Variants in IGF2 observed in about 807,000 individuals in gnomAD.
IGF2 encodes the protein insulin like growth factor 2.
In IGF2, 2 loss-of-function variants were observed where a neutral mutation model predicts 12.0. The ratio of observed to expected loss-of-function variants is 0.17; its 90% CI spans 0.07 to 0.52. IGF2 has a LOEUF of 0.52. Ranked by LOEUF, IGF2 falls within the 20% of genes least tolerant of loss-of-function variation. IGF2 has a pLI of 0.95. For synonymous variants in IGF2, 105 were observed against 110.1 expected (o/e 0.95, Z 0.29); for missense variants, 211 against 268.0 (o/e 0.79, Z 1.48).
rs541583744 is a variant in IGF2, at chr11:2,133,722, C to T, written c.158-57G>A. The T allele has an allele frequency of 2.6e-5, 41 of 1,595,386 alleles. No individual in the cohort carries two copies. Among genetic ancestry groups the T allele is most frequent in the South Asian group, 1.0e-4 (9 of 88,728 alleles). The stretch of plus-strand genomic sequence containing the variant: ...TTAGCACCGCACTGACCCCAGCCCC[C>T]GGAGGCTGAAGGGGGAGCAAACCAC... On this transcript the variant is annotated intron_variant, in intron 2 of 3. Coordinates refer to ENST00000416167, the MANE Select transcript of IGF2 (RefSeq NM_000612.6). The surrounding 1 kb of genome is among the most constrained non-coding windows in gnomAD (Gnocchi z 8.9).
chr11:2,131,109 G>A lies in IGF2; in HGVS notation c.*1878C>T, dbSNP rs567696295. The A allele has an allele frequency of 1.2e-4, 27 of 233,156 alleles. 1 individual carries two copies. In the South Asian group the frequency reaches 4.7e-3, roughly 41 times the overall value. 14.4% of individuals were successfully genotyped at this position (233,156 alleles called of 1,614,324 possible). A position where few individuals can be genotyped will look rare whatever the true frequency, so the allele number is the denominator to read the frequency against. On this transcript the variant is annotated 3_prime_UTR_variant, in exon 4 of 4. Coordinates refer to ENST00000416167, the MANE Select transcript of IGF2 (RefSeq NM_000612.6). ...TGGCTCACGCTGCGGGGGCCGTGGG[G>A]ACAGGCGCCAAGGAGGCCAGCCTCA... is the stretch of plus-strand genomic sequence containing the variant.
At position 2,138,279 on chromosome 11, in the gene IGF2, G is replaced by T; in HGVS notation, c.-57C>A. The T allele has an allele frequency of 1.0e-6, 1 of 985,118 alleles. No individual in the cohort carries two copies. Among genetic ancestry groups the T allele is most frequent in the South Asian group, 4.7e-5 (1 of 21,298 alleles). 61.0% of individuals were successfully genotyped at this position (985,118 alleles called of 1,614,324 possible). On this transcript the variant is annotated 5_prime_UTR_variant, in exon 1 of 4. Coordinates refer to ENST00000416167, the MANE Select transcript of IGF2 (RefSeq NM_000612.6). ...ACCTCCCTGCTGCGTGTCGCAAACC[G>T]AACAGCGGGCGTTGGCCCTCCTGCC...
chr11:2,145,294 T>TG (rs1306490204), upstream of IGF2, among the ~76,000 whole-genome samples: 1 of 152,192 alleles, frequency 6.6e-6, no homozygotes, highest in Non-Finnish European at 1.5e-5. Context: ...CTTGTAAATT[T>TG]GGGGGTGAGG....
At position 2,133,157 on chromosome 11, in the gene IGF2, G is replaced by T. The variant is rs781325329; in HGVS notation, c.373C>A (p.Arg125Ser). 3 of 1,598,010 alleles carry T rather than the reference G, an allele frequency of 1.9e-6. No individual in the cohort carries two copies. Among genetic ancestry groups the T allele is most frequent in the Non-Finnish European group, 2.6e-6 (3 of 1,171,548 alleles). ...QYDTWKQSTQ[R>S]LRRGLPALLR... ...AGGGCAGGCAGGCCCCTGCGCAGGC[G>T]CTGGGTGGACTGCTTCCAGGTGTCA... Residue 125 changes from arginine (R) to serine (S), a missense_variant, in exon 4 of 4, where the codon CGC (arginine) becomes AGC (serine). Arg to Ser is a moderately radical substitution (Grantham distance 110, BLOSUM62 -1). Transcript: ENST00000416167. The surrounding 1 kb of genome is among the most constrained non-coding windows in gnomAD (Gnocchi z 8.9).
At position 2,133,505 on chromosome 11, in the gene IGF2, C is replaced by CA. The variant is rs1858768800; in HGVS notation, c.306+11dup. Reference sequence around the variant, plus strand: ...GTCTCTAGAGAGTGGGAAAGGGGCCCAGGACCCTCACCGGAAGCACGGTCG... The same window carrying CA: ...GTCTCTAGAGAGTGGGAAAGGGGCCCAAGGACCCTCACCGGAAGCACGGTCG... On this transcript the variant is annotated intron_variant, in intron 3 of 3. Coordinates refer to ENST00000416167, the MANE Select transcript of IGF2 (RefSeq NM_000612.6). This position sits in a 1 kb window ranked among gnomAD's most constrained non-coding sequence, Gnocchi z 8.9. 6.2e-7 allele frequency: 1 copy of CA among 1,608,682 alleles called. No homozygotes were observed. The highest frequency in any genetic ancestry group is 1.1e-5 in the South Asian group (1 of 90,502).
the IGF2 span, chr11:2,146,784 C>T: frequency 1.4e-5 from 3 of 213,536 alleles, no homozygotes; most frequent in East Asian, 4.0e-4. Context: ...ATCCATGTGC[C>T]TCCAGCTCCA....
the IGF2 span, chr11:2,146,626 T>C: frequency 5.9e-6 from 2 of 336,446 alleles, no homozygotes; most frequent in Non-Finnish European, 1.2e-5. Context: ...GCGGCGCCAC[T>C]GTGTTACCAT....
At chr11:2,142,793 G>T (rs979564001), upstream of IGF2, among the ~76,000 whole-genome samples, 11 of 152,222 alleles carry the variant, frequency 7.2e-5, no homozygotes, top group African/African-American at 2.7e-4. This position sits in a 1 kb window ranked among gnomAD's most constrained non-coding sequence, Gnocchi z 5.7. Context: ...TGGCATAACA[G>T]AAATAAAAGT....
chr11:2,147,444 TG>T, the IGF2 span: 1 of 427,230 alleles, frequency 2.3e-6, no homozygotes, highest in Admixed American at 4.4e-5. This position sits in a 1 kb window ranked among gnomAD's most constrained non-coding sequence, Gnocchi z 7.2. Context: ...GCTGTGTGAC[TG>T]AATCCACGCC....
chr11:2,138,523 G>T lies in IGF2; in HGVS notation c.-301C>A, dbSNP rs1470871283. On this transcript the variant is annotated 5_prime_UTR_variant, in exon 1 of 4. Transcript: ENST00000416167. ...GTCAGCTGTTGTATCAAGGATAGAG[G>T]GGGGCAGAGATAGTGGGAGAGACAG... 2 of 780,216 alleles carry T rather than the reference G, an allele frequency of 2.6e-6. No homozygotes were observed. The highest frequency in any genetic ancestry group is 4.2e-5 in the African/African-American group (2 of 47,486). 48.3% of individuals were successfully genotyped at this position (780,216 alleles called of 1,614,324 possible).
chr11:2,147,554 T>G, the IGF2 span: 8 of 1,154,042 alleles, frequency 6.9e-6, no homozygotes, highest in East Asian at 3.2e-5. This position sits in a 1 kb window ranked among gnomAD's most constrained non-coding sequence, Gnocchi z 7.2. Context: ...TCAGGGTGCC[T>G]GAGACACTCA....
chr11:2,139,571 GGCC>G (rs1406574456), upstream of IGF2, among the ~76,000 whole-genome samples: 1 of 47,904 alleles, frequency 2.1e-5, no homozygotes, highest in Non-Finnish European at 4.0e-5. Flanking sequence ...GGGGCCCTGG[GGCC>G]CCGGGGGGGG....
Position 2,131,786 on chromosome 11 carries a change from T to A in IGF2, c.*1201A>T, listed in dbSNP as rs978591118. 1.3e-4 allele frequency: 18 copies of A among 138,372 alleles called. No homozygotes were observed. Among genetic ancestry groups the A allele is most frequent in the Non-Finnish European group, 2.2e-4 (15 of 66,700 alleles). 8.6% of individuals were successfully genotyped at this position (138,372 alleles called of 1,614,324 possible). Reference sequence around the variant, plus strand: ...GTGCTGTGTCTTTGTGTGTGTGCTGTGTGCTAGTGTGTGTGCTGTGTGTGC... The same window carrying A: ...GTGCTGTGTCTTTGTGTGTGTGCTGAGTGCTAGTGTGTGTGCTGTGTGTGC... On this transcript the variant is annotated 3_prime_UTR_variant, in exon 4 of 4. Transcript: ENST00000416167.
At chr11:2,145,184 C>T (rs1480760979), upstream of IGF2, among the ~76,000 whole-genome samples, 5 of 152,240 alleles carry the variant, frequency 3.3e-5, no homozygotes, top group Admixed American at 2.0e-4. Context: ...TGCAGCCTCC[C>T]CGTGTCCCCA....
chr11:2,146,220 T>A (rs1204838048), upstream of IGF2: 1 of 527,834 alleles, frequency 1.9e-6, no homozygotes, highest in Non-Finnish European at 3.8e-6. Flanking sequence ...GAAGTGGGCC[T>A]TTCTCATTCC....
At position 2,133,790 on chromosome 11, in the gene IGF2, C is replaced by T. The variant is rs1047499193; in HGVS notation, c.158-125G>A. ...GCCCTGGAAGGACGCAGCCACCCTGCGGGTCAGGGGAGGGAAGTGAGAGCT... is the reference window on the plus strand; with the variant it reads ...GCCCTGGAAGGACGCAGCCACCCTGTGGGTCAGGGGAGGGAAGTGAGAGCT... On this transcript the variant is annotated intron_variant, in intron 2 of 3. Coordinates refer to ENST00000416167, the MANE Select transcript of IGF2 (RefSeq NM_000612.6). This position sits in a 1 kb window ranked among gnomAD's most constrained non-coding sequence, Gnocchi z 8.9. 2.3e-5 allele frequency: 27 copies of T among 1,187,974 alleles called. No homozygotes were observed. Among genetic ancestry groups the T allele is most frequent in the Non-Finnish European group, 2.8e-5 (24 of 845,654 alleles). The allele number at this position is 1,187,974 out of a possible 1,614,324, so 73.6% of individuals were successfully genotyped here.
the IGF2 span, chr11:2,149,152 C>T: frequency 2.0e-5 from 33 of 1,613,342 alleles, no homozygotes; most frequent in Admixed American, 3.3e-4. Context: ...GCGCAGTCCC[C>T]GCAGCTCCTG....
At chr11:2,140,570 T>C (rs2133615526), upstream of IGF2, 1 of 487,340 alleles carries the variant, frequency 2.1e-6, no homozygotes, top group East Asian at 4.5e-5. Context: ...CTCCTCCGCG[T>C]CCCTCGCCCC....
upstream of IGF2, among the ~76,000 whole-genome samples, chr11:2,143,859 T>C (rs1380432919): frequency 6.6e-6 from 1 of 152,238 alleles, no homozygotes; most frequent in Non-Finnish European, 1.5e-5. Context: ...GTTCCGTGGA[T>C]TGGAATCCCC....
Sources: gnomAD v4.1 joint callset for allele counts (sites outside exome capture counted in the v4.1 genomes callset) on GRCh38, gnomAD v4.1.1 for gene constraint, Gnocchi (gnomAD v3.1) non-coding constraint, MANE v1.5 for transcripts, NCBI Gene and HGNC (gene_info 2026-07-23, HGNC 2026-07-21) for gene names.